Variants in ARHGAP39 observed in about 807,000 individuals in gnomAD.
ARHGAP39 encodes the protein Rho GTPase activating protein 39.
In ARHGAP39, 44 loss-of-function variants were observed where a neutral mutation model predicts 106.9. The ratio of observed to expected loss-of-function variants is 0.41; its 90% CI spans 0.32 to 0.53. ARHGAP39 has a LOEUF of 0.53. Among genes scored for constraint, ARHGAP39 ranks in the 20% least tolerant of loss-of-function variants. ARHGAP39 has a pLI of 0.21. For synonymous variants in ARHGAP39, 768 were observed against 693.2 expected (o/e 1.11, Z -1.69); for missense variants, 1,496 against 1,577.3 (o/e 0.95, Z 0.87).
In ARHGAP39 at chr8:144,645,454, G is replaced by A. The variant is rs1275479275; in HGVS notation, c.-81-39759C>T. On this transcript the variant is annotated intron_variant, in intron 1 of 11. Transcript: ENST00000377307. The surrounding 1 kb of genome is among the most constrained non-coding windows in gnomAD (Gnocchi z 4.4). ...GACTCCGTCAGGGCAGAGCCTCCCC[G>A]CCTCACTCTGGTCTCTCCCGGCAGA... Among the ~76,000 whole-genome samples the A allele has an allele frequency of 6.6e-6, 1 of 151,812 alleles. No individual in the cohort carries two copies. The highest frequency in any genetic ancestry group is 1.9e-4 in the East Asian group (1 of 5,170).
intron 2 of ARHGAP39, among the ~76,000 whole-genome samples, chr8:144,598,265 G>A (rs759486674): frequency 3.3e-5 from 5 of 151,826 alleles, no homozygotes; most frequent in African/African-American, 7.3e-5. Context: ...GCCTTTCCAC[G>A]TTGCGTGTAA....
chr8:144,589,955 G>A (rs745898193), intron 2 of ARHGAP39, among the ~76,000 whole-genome samples: 20 of 152,198 alleles, frequency 1.3e-4, no homozygotes, highest in East Asian at 1.2e-3. Flanking sequence ...GGAACAACAC[G>A]TCACTGCTGC....
intron 1 of ARHGAP39, among the ~76,000 whole-genome samples, chr8:144,643,605 A>G (rs1249818260): frequency 6.6e-6 from 1 of 152,004 alleles, no homozygotes; most frequent in East Asian, 1.9e-4. Flanking sequence ...TGGGACCTCA[A>G]CTCTGATACT....
intron 1 of ARHGAP39, among the ~76,000 whole-genome samples, chr8:144,612,765 G>A (rs370255788): frequency 3.3e-5 from 5 of 150,758 alleles, no homozygotes; most frequent in Admixed American, 6.6e-5. Flanking sequence ...CGGCTGCGCC[G>A]CTGCACTCCA....
rs1817887964 is a variant in ARHGAP39 at position 144,555,630 on chromosome 8, CTGG to C, written c.523_525del (p.Pro175del). On this transcript the variant is annotated inframe_deletion, in exon 4 of 12. Transcript: ENST00000377307. Reference sequence around the variant, plus strand: ...TCATAGTCCTTCTCAAGGAACACTCCTGGTGGTGAAGAGCTGAAACACAGTAAA... The same window carrying C: ...TCATAGTCCTTCTCAAGGAACACTCCTGGTGAAGAGCTGAAACACAGTAAA... The C allele has an allele frequency of 6.2e-7, 1 of 1,613,674 alleles. No individual in the cohort carries two copies. Among genetic ancestry groups the C allele is most frequent in the Admixed American group, 1.7e-5 (1 of 60,016 alleles).
Position 144,569,991 on chromosome 8 carries a change from C to T in ARHGAP39, c.512+10855G>A, listed in dbSNP as rs572848679. On this transcript the variant is annotated intron_variant, in intron 3 of 11. Transcript: ENST00000377307. ...ATCCCAGCACTTTGGGAAGCTGGGG[C>T]GGGCAGATCACTTGAGGTCAAGAGT... is the stretch of plus-strand genomic sequence containing the variant. Among the ~76,000 whole-genome samples the T allele has an allele frequency of 1.2e-4, 19 of 152,238 alleles. No homozygotes were observed. The East Asian group carries it at 2.7e-3, about 22-fold the overall frequency.
chr8:144,688,525 C>T (rs1822681982), upstream of ARHGAP39, among the ~76,000 whole-genome samples: 2 of 152,168 alleles, frequency 1.3e-5, no homozygotes, highest in Admixed American at 1.3e-4. Context: ...GGTGGAGGAA[C>T]GCTTGAGATC....
At chr8:144,546,441 G>A (rs1438049702) in intron 5 of ARHGAP39, among the ~76,000 whole-genome samples, 1 of 152,138 alleles carries the variant, frequency 6.6e-6, no homozygotes, top group Admixed American at 6.5e-5. Flanking sequence ...CCAGGCCCTC[G>A]AGGTCTCCCC....
At chr8:144,693,545 TTA>T in the ARHGAP39 span, among the ~76,000 whole-genome samples, 1 of 151,574 alleles carries the variant, frequency 6.6e-6, no homozygotes, top group African/African-American at 2.4e-5. Flanking sequence ...GGCTAATTTT[TTA>T]TATTGTTAGT....
chr8:144,699,671 G>C, the ARHGAP39 span, among the ~76,000 whole-genome samples: 4 of 150,976 alleles, frequency 2.6e-5, no homozygotes, highest in African/African-American at 4.9e-5. Context: ...GGGTGGGACA[G>C]TCTGCGGACC....
intron 2 of ARHGAP39, among the ~76,000 whole-genome samples, chr8:144,601,948 C>T (rs1159525809): frequency 2.2e-5 from 3 of 135,364 alleles, no homozygotes; most frequent in East Asian, 2.3e-4. Context: ...TGCGTGCGAG[C>T]TCGTGTACCT....
At chr8:144,651,489 G>C (rs1204936896) in intron 1 of ARHGAP39, among the ~76,000 whole-genome samples, 3 of 152,126 alleles carry the variant, frequency 2.0e-5, no homozygotes, top group African/African-American at 7.2e-5. Flanking sequence ...AATCACCTGA[G>C]GTCGGGAGTT....
At chr8:144,605,395 C>T in intron 2 of ARHGAP39, 140 bp downstream of exon 2, 2 of 871,280 alleles carry the variant, frequency 2.3e-6, no homozygotes, top group South Asian at 1.6e-5. Context: ...TGGCATCGGC[C>T]ATCCAGGCCT....
rs151283205 is a variant in ARHGAP39, at chr8:144,627,107, A to T, written c.-81-21412T>A. 2.0e-3 allele frequency among the ~76,000 whole-genome samples: 303 copies of T among 152,326 alleles called. 1 individual carries two copies. The highest frequency in any genetic ancestry group is 6.4e-3 in the African/African-American group (266 of 41,576). ...TGTCCTGGAACCCAGCCCCTCACAA[A>T]GGAGCCAGGCCAAGGCTGCAGCTGC... On this transcript the variant is annotated intron_variant, in intron 1 of 11. Transcript: ENST00000377307.
At chr8:144,533,103 G>A (rs747577547) in intron 9 of ARHGAP39, 23 bp downstream of exon 9, 53 of 1,590,034 alleles carry the variant, frequency 3.3e-5, no homozygotes, top group African/African-American at 3.1e-4. Flanking sequence ...CCCCACACCC[G>A]GCGCCCGGGG....
At chr8:144,640,842 G>T (rs2109) in intron 1 of ARHGAP39, among the ~76,000 whole-genome samples, 2 of 152,004 alleles carry the variant, frequency 1.3e-5, no homozygotes, top group African/African-American at 2.4e-5. Context: ...TTAGATAAGC[G>T]TCCCACGAAA....
intron 1 of ARHGAP39, among the ~76,000 whole-genome samples, chr8:144,636,195 G>C (rs1319708086): frequency 6.6e-6 from 1 of 152,198 alleles, no homozygotes; most frequent in Non-Finnish European, 1.5e-5. Context: ...ACTGATTTGT[G>C]GCTGGTATGG....
chr8:144,677,975 G>T (rs758897636), intron 1 of ARHGAP39, among the ~76,000 whole-genome samples: 2 of 152,196 alleles, frequency 1.3e-5, no homozygotes, highest in African/African-American at 4.8e-5. Flanking sequence ...GGAAGCAGCC[G>T]ACGTGGGAAA....
At chr8:144,558,678 A>G (rs1026253509) in intron 3 of ARHGAP39, among the ~76,000 whole-genome samples, 2 of 152,176 alleles carry the variant, frequency 1.3e-5, no homozygotes, top group African/African-American at 4.8e-5. Context: ...GAACTTAAGA[A>G]TGTTCAGTAT....
Sources: gnomAD v4.1 joint callset for allele counts (sites outside exome capture counted in the v4.1 genomes callset) on GRCh38, gnomAD v4.1.1 for gene constraint, Gnocchi (gnomAD v3.1) non-coding constraint, MANE v1.5 for transcripts, NCBI Gene and HGNC (gene_info 2026-07-23, HGNC 2026-07-21) for gene names.